NAV3: variants seen among roughly 807,000 people sequenced by gnomAD.
The protein encoded by NAV3 is pore membrane and/or filament interacting like protein 1.
In NAV3, 87 loss-of-function variants were observed where a neutral mutation model predicts 244.7. The observed-to-expected ratio is 0.36, with a 90% CI of 0.30 to 0.42. NAV3 has a LOEUF of 0.42. Ranked by LOEUF, NAV3 falls within the 20% of genes least tolerant of loss-of-function variation. The probability of loss-of-function intolerance (pLI) is 1.00; values close to 1 mark genes in which losing one functional copy is unlikely to be tolerated. For synonymous variants in NAV3, 1,126 were observed against 1,042.2 expected (o/e 1.08, Z -1.55); for missense variants, 2,663 against 2,893.3 (o/e 0.92, Z 1.83).
At chr12:77,574,983 C>T (rs183450127) in intron 2 of NAV3, among the ~76,000 whole-genome samples, 53 of 150,678 alleles carry the variant, frequency 3.5e-4, no homozygotes, top group Admixed American at 1.4e-3. Flanking sequence ...CTGCTTTTAT[C>T]TCCTTAAGAG....
intron 7 of NAV3, among the ~76,000 whole-genome samples, chr12:78,003,807 G>A (rs1391416608): frequency 6.6e-6 from 1 of 152,196 alleles, no homozygotes; most frequent in African/African-American, 2.4e-5. Flanking sequence ...TAGATGTTTT[G>A]CAAGTGTGAA....
Position 77,907,881 on chromosome 12 carries a change from C to T in NAV3, c.244-32438C>T, listed in dbSNP as rs150173682. ...ACTGCACTATTTCTTGTCTACATAA[C>T]GTTACATGTGTATCACATACTTGTA... On this transcript the variant is annotated intron_variant, in intron 1 of 39. Transcript: ENST00000397909. 8.3e-3 allele frequency among the ~76,000 whole-genome samples: 1,263 copies of T among 152,144 alleles called. 16 individuals carry two copies. Among genetic ancestry groups the T allele is most frequent in the Middle Eastern group, 0.027 (8 of 294 alleles).
At chr12:77,797,861 G>T (rs1052832082) in intron 2 of NAV3, among the ~76,000 whole-genome samples, 18 of 148,128 alleles carry the variant, frequency 1.2e-4, no homozygotes, top group Admixed American at 1.0e-3. Flanking sequence ...GTACCTTAAA[G>T]ATCATTTATT....
chr12:77,852,959 C>T (rs935187090), intron 1 of NAV3, among the ~76,000 whole-genome samples: 4 of 152,056 alleles, frequency 2.6e-5, no homozygotes, highest in East Asian at 1.9e-4. Flanking sequence ...TGTCTTTTTG[C>T]GAACATAAGA....
intron 2 of NAV3, among the ~76,000 whole-genome samples, chr12:77,821,316 A>G (rs1245128352): frequency 1.3e-5 from 2 of 152,338 alleles, no homozygotes; most frequent in East Asian, 3.9e-4. Context: ...CTCATTACTT[A>G]GATTAAAATC....
chr12:77,836,568 A>G (rs1471664964), intron 1 of NAV3, among the ~76,000 whole-genome samples: 1 of 152,214 alleles, frequency 6.6e-6, no homozygotes, highest in Non-Finnish European at 1.5e-5. Context: ...CAGAGAGAGT[A>G]GGAGTCATAC....
At chr12:77,934,285 A>G (rs1478483207) in intron 1 of NAV3, among the ~76,000 whole-genome samples, 1 of 152,134 alleles carries the variant, frequency 6.6e-6, no homozygotes. Context: ...CTATCCTCAC[A>G]TCTTCTGTGC....
At chr12:78,051,968 G>T (rs1018102991) in intron 11 of NAV3, among the ~76,000 whole-genome samples, 1 of 152,148 alleles carries the variant, frequency 6.6e-6, no homozygotes, top group Non-Finnish European at 1.5e-5. Context: ...AATTGGCCCC[G>T]GCTGGGAACT....
intron 1 of NAV3, among the ~76,000 whole-genome samples, chr12:77,870,094 C>T (rs998583698): frequency 2.0e-5 from 3 of 152,024 alleles, no homozygotes; most frequent in Admixed American, 6.6e-5. Flanking sequence ...AAGCCGGGCG[C>T]GGTGGCTCAC....
intron 2 of NAV3, among the ~76,000 whole-genome samples, chr12:77,789,901 C>T (rs919814708): frequency 5.3e-5 from 8 of 150,004 alleles, no homozygotes; most frequent in East Asian, 3.9e-4. Flanking sequence ...AGAGAGCTTA[C>T]GAATTTGTGT....
At chr12:77,900,535 G>A (rs1304451469) in intron 1 of NAV3, among the ~76,000 whole-genome samples, 1 of 152,094 alleles carries the variant, frequency 6.6e-6, no homozygotes, top group Admixed American at 6.5e-5. Context: ...TTTTATGGCT[G>A]CATAGTATTC....
chr12:78,007,472 T>A (rs2136604706), intron 8 of NAV3, 27 bp downstream of exon 8: 1 of 1,596,648 alleles, frequency 6.3e-7, no homozygotes. Context: ...TTATCCACAG[T>A]TGTAAATATA....
chr12:77,965,690 C>A (rs571057620), intron 3 of NAV3, among the ~76,000 whole-genome samples: 1 of 152,058 alleles, frequency 6.6e-6, no homozygotes, highest in Non-Finnish European at 1.5e-5. Context: ...AAACAAAATA[C>A]CTGTATTTAA....
At chr12:78,030,696 G>T (rs546019676) in intron 9 of NAV3, among the ~76,000 whole-genome samples, 24 of 152,046 alleles carry the variant, frequency 1.6e-4, no homozygotes, top group African/African-American at 5.3e-4. Context: ...GCTCTCCTTT[G>T]AAAAAGTAAG....
intron 2 of NAV3, among the ~76,000 whole-genome samples, chr12:77,750,713 C>A (rs1238052732): frequency 6.6e-6 from 1 of 152,016 alleles, no homozygotes; most frequent in African/African-American, 2.4e-5. Context: ...TTGTGGTATA[C>A]AGTGACAAGT....
chr12:77,801,522 T>G (rs1871703397), intron 2 of NAV3, among the ~76,000 whole-genome samples: 1 of 152,118 alleles, frequency 6.6e-6, no homozygotes, highest in Admixed American at 6.6e-5. Context: ...GTTATTACAG[T>G]ACAAATTTTC....
intron 1 of NAV3, among the ~76,000 whole-genome samples, chr12:77,871,879 G>T (rs1881026457): frequency 6.6e-6 from 1 of 152,126 alleles, no homozygotes; most frequent in Non-Finnish European, 1.5e-5. Flanking sequence ...TTCCACAATG[G>T]TTGAACTAAT....
At chr12:77,964,505 G>T (rs555858620) in intron 3 of NAV3, among the ~76,000 whole-genome samples, 1 of 152,160 alleles carries the variant, frequency 6.6e-6, no homozygotes, top group East Asian at 1.9e-4. Context: ...GGATCTTAAA[G>T]AAATACATTT....
chr12:78,095,806 T>A (rs34023198), intron 12 of NAV3, among the ~76,000 whole-genome samples: 20,263 of 152,156 alleles, frequency 0.13, 1,361 homozygotes, highest in African/African-American at 0.15. Flanking sequence ...GTACTCAGAA[T>A]GAATCATATA....
Sources: gnomAD v4.1 joint callset for allele counts (sites outside exome capture counted in the v4.1 genomes callset) on GRCh38, gnomAD v4.1.1 for gene constraint, MANE v1.5 for transcripts, NCBI Gene and HGNC (gene_info 2026-07-23, HGNC 2026-07-21) for gene names.